The following C1orf21 variants were observed in gnomAD, a reference collection of about 807,000 sequenced individuals.
C1orf21 encodes chromosome 1 open reading frame 21.
In C1orf21, 3 loss-of-function variants were observed where a neutral mutation model predicts 18.7. The observed-to-expected ratio is 0.16, with a 90% CI of 0.07 to 0.42. C1orf21 has a LOEUF of 0.42. C1orf21 is among the 10% of genes least tolerant of loss of function. C1orf21 has a pLI of 0.99. For synonymous variants in C1orf21, 41 were observed against 46.4 expected (o/e 0.88, Z 0.47); for missense variants, 104 against 143.6 (o/e 0.72, Z 1.41).
chr1:184,596,221 G>A (rs1659511380), intron 4 of C1orf21, among the ~76,000 whole-genome samples: 1 of 152,184 alleles, frequency 6.6e-6, no homozygotes, highest in African/African-American at 2.4e-5. Flanking sequence ...AGGAGCTAAT[G>A]GAAGTTAGTG....
In C1orf21 at chr1:184,619,576, A is replaced by C. The variant is rs16823344; in HGVS notation, c.*20A>C. The C allele has an allele frequency of 0.043, 70,104 of 1,611,734 alleles. 1,939 individuals are homozygous for C. The highest frequency in any genetic ancestry group is 0.1 in the African/African-American group (7,516 of 74,922). On this transcript the variant is annotated 3_prime_UTR_variant, in exon 6 of 6. Transcript: ENST00000235307. The stretch of plus-strand genomic sequence containing the variant: ...ACATAGCACCAATTTTACCACTCAA[A>C]CCAGGAGCTACTACTGTGTAAATAG...
intron 3 of C1orf21, among the ~76,000 whole-genome samples, chr1:184,528,064 A>G (rs1030439090): frequency 1.3e-5 from 2 of 152,226 alleles, no homozygotes; most frequent in African/African-American, 4.8e-5. Flanking sequence ...TGCCAGGTAT[A>G]TAGTAAGTGC....
rs1269353485 is a variant in C1orf21 at position 184,625,571 on chromosome 1, G to A, written c.*6015G>A. 1 of 152,460 alleles carries A rather than the reference G, an allele frequency of 6.6e-6. No individual in the cohort carries two copies. Among genetic ancestry groups the A allele is most frequent in the Non-Finnish European group, 1.5e-5 (1 of 68,010 alleles). The allele number at this position is 152,460 out of a possible 1,614,324, so 9.4% of individuals were successfully genotyped here. A position where few individuals can be genotyped will look rare whatever the true frequency, so the allele number is the denominator to read the frequency against. ...ATACACGCGCATACATACATATACA[G>A]AGAGATACGTGGAGAAAGGAAATTT... On this transcript the variant is annotated 3_prime_UTR_variant, in exon 6 of 6. Transcript: ENST00000235307.
At chr1:184,541,785 A>C (rs1658655570) in intron 3 of C1orf21, among the ~76,000 whole-genome samples, 1 of 152,080 alleles carries the variant, frequency 6.6e-6, no homozygotes, top group Non-Finnish European at 1.5e-5. Context: ...TGTGCCAACG[A>C]ATGTGTTTTC....
chr1:184,560,048 A>G (rs562167115), intron 3 of C1orf21, among the ~76,000 whole-genome samples: 36 of 152,242 alleles, frequency 2.4e-4, no homozygotes, highest in African/African-American at 7.9e-4. Context: ...CACCGTGCCC[A>G]GCCCTCGGGT....
intron 1 of C1orf21, among the ~76,000 whole-genome samples, chr1:184,403,532 G>T (rs1363791388): frequency 6.6e-6 from 1 of 152,108 alleles, no homozygotes; most frequent in East Asian, 1.9e-4. Flanking sequence ...CTTCAGAGGT[G>T]CTTGTGATGT....
chr1:184,567,169 G>T (rs1383103002), intron 3 of C1orf21: 2 of 476,660 alleles, frequency 4.2e-6, no homozygotes, highest in Admixed American at 4.7e-5. Flanking sequence ...ACTGGTGTGA[G>T]CTCACAGTCC....
At chr1:184,441,215 G>A (rs567458442) in intron 1 of C1orf21, among the ~76,000 whole-genome samples, 1 of 152,220 alleles carries the variant, frequency 6.6e-6, no homozygotes, top group African/African-American at 2.4e-5. Context: ...AAGTTACCTT[G>A]TTTCTCCCGT....
At chr1:184,482,291 G>T (rs1278513291) in intron 2 of C1orf21, among the ~76,000 whole-genome samples, 1 of 152,128 alleles carries the variant, frequency 6.6e-6, no homozygotes, top group African/African-American at 2.4e-5. Context: ...TTTTCAGCCC[G>T]GCTTCCAAGA....
intron 1 of C1orf21, among the ~76,000 whole-genome samples, chr1:184,475,401 C>T (rs950699031): frequency 6.6e-6 from 1 of 152,108 alleles, no homozygotes; most frequent in Non-Finnish European, 1.5e-5. Flanking sequence ...TGCTCTTCCA[C>T]ATTCTAGTGT....
chr1:184,570,729 A>T (rs1659096249), intron 3 of C1orf21, among the ~76,000 whole-genome samples: 1 of 152,244 alleles, frequency 6.6e-6, no homozygotes, highest in South Asian at 2.1e-4. Context: ...CTAAGGCAGA[A>T]CATCTTGCCA....
At chr1:184,508,231 G>T (rs1047870982) in intron 3 of C1orf21, among the ~76,000 whole-genome samples, 8 of 152,104 alleles carry the variant, frequency 5.3e-5, no homozygotes, top group African/African-American at 1.4e-4. Context: ...GAAACAGGAA[G>T]TTAGGAATCC....
intron 5 of C1orf21, among the ~76,000 whole-genome samples, chr1:184,611,157 G>T (rs1272688552): frequency 6.6e-6 from 1 of 152,186 alleles, no homozygotes; most frequent in Non-Finnish European, 1.5e-5. Context: ...GACGGAGAAA[G>T]CCATTAATGC....
rs1022908972 is a variant in C1orf21, at chr1:184,627,631, C to G, written c.*8075C>G. On this transcript the variant is annotated 3_prime_UTR_variant, in exon 6 of 6. Coordinates refer to ENST00000235307, the MANE Select transcript of C1orf21 (RefSeq NM_030806.4). The stretch of plus-strand genomic sequence containing the variant: ...CCACTTTTTCCAGATCTTCCTCTTG[C>G]TCTTCACTGAGGAATTTGTAATTCT... 3.3e-5 allele frequency: 5 copies of G among 152,240 alleles called. No individual in the cohort carries two copies. The highest frequency in any genetic ancestry group is 1.2e-4 in the African/African-American group (5 of 41,454). 9.4% of individuals were successfully genotyped at this position (152,240 alleles called of 1,614,324 possible).
At chr1:184,529,065 T>C (rs1658419267) in intron 3 of C1orf21, among the ~76,000 whole-genome samples, 1 of 152,198 alleles carries the variant, frequency 6.6e-6, no homozygotes, top group Non-Finnish European at 1.5e-5. Context: ...ATACCCTTAC[T>C]AGCAATGAGA....
At chr1:184,505,144 G>C (rs1362304245) in intron 2 of C1orf21, among the ~76,000 whole-genome samples, 1 of 151,782 alleles carries the variant, frequency 6.6e-6, no homozygotes, top group East Asian at 1.9e-4. Flanking sequence ...GGAGAGGACA[G>C]TGGGCAAGTG....
At chr1:184,611,257 G>A (rs1171070230) in intron 5 of C1orf21, among the ~76,000 whole-genome samples, 1 of 152,160 alleles carries the variant, frequency 6.6e-6, no homozygotes, top group Non-Finnish European at 1.5e-5. Flanking sequence ...TATGTCTTTG[G>A]CATTTAAAAC....
chr1:184,500,614 A>G (rs984566892), intron 2 of C1orf21, among the ~76,000 whole-genome samples: 12 of 152,154 alleles, frequency 7.9e-5, no homozygotes, highest in African/African-American at 2.9e-4. Context: ...CTCAATCTCC[A>G]CAGCACACAG....
chr1:184,587,578 G>A (rs1040651684), intron 3 of C1orf21, among the ~76,000 whole-genome samples: 1 of 144,330 alleles, frequency 6.9e-6, no homozygotes, highest in Non-Finnish European at 1.5e-5. Flanking sequence ...GTAGTGAATG[G>A]GACTGCATTC....
Sources: gnomAD v4.1 joint callset for allele counts (sites outside exome capture counted in the v4.1 genomes callset) on GRCh38, gnomAD v4.1.1 for gene constraint, MANE v1.5 for transcripts, NCBI Gene and HGNC (gene_info 2026-07-23, HGNC 2026-07-21) for gene names.